Variants in ELAPOR1 observed in about 807,000 individuals in gnomAD.
The protein encoded by ELAPOR1 is endosome/lysosome-associated apoptosis and autophagy regulator 1.
In ELAPOR1, 77 loss-of-function variants were observed where a neutral mutation model predicts 119.7. The ratio of observed to expected loss-of-function variants is 0.64; its 90% CI spans 0.54 to 0.78. The LOEUF (loss-of-function observed/expected upper bound fraction) is 0.78, where lower values mean the gene tolerates loss of function less well. Among genes scored for constraint, ELAPOR1 ranks in the 30% least tolerant of loss-of-function variants. The pLI is 0.00. For synonymous variants in ELAPOR1, 481 were observed against 487.2 expected, an observed-to-expected ratio of 0.99 and a Z score of 0.17; for missense variants, 1,115 against 1,270.4, an observed-to-expected ratio of 0.88 and a Z score of 1.86.
chr1:109,120,657 A>G (rs1045267215), intron 1 of ELAPOR1, among the ~76,000 whole-genome samples: 3 of 152,110 alleles, frequency 2.0e-5, no homozygotes, highest in African/African-American at 7.2e-5. Flanking sequence ...AGCCCCAGAC[A>G]TACCAAGTTA....
At chr1:109,122,178 C>T (rs1308443622) in intron 1 of ELAPOR1, among the ~76,000 whole-genome samples, 4 of 151,232 alleles carry the variant, frequency 2.6e-5, no homozygotes, top group South Asian at 4.2e-4. Flanking sequence ...CAAGCGATTC[C>T]CATGCCTCAT....
chr1:109,153,013 T>C (rs910176252), intron 1 of ELAPOR1, among the ~76,000 whole-genome samples: 8 of 148,246 alleles, frequency 5.4e-5, no homozygotes, highest in Admixed American at 2.7e-4. Context: ...GACAGTCTCA[T>C]GTGGGGAGGA....
At chr1:109,185,910 T>C (rs577718256) in intron 8 of ELAPOR1, among the ~76,000 whole-genome samples, 2 of 152,306 alleles carry the variant, frequency 1.3e-5, no homozygotes, top group East Asian at 3.9e-4. Context: ...GAGGAGCGAC[T>C]CTGTGCCAGG....
intron 1 of ELAPOR1, among the ~76,000 whole-genome samples, chr1:109,131,721 G>A (rs1338831741): frequency 1.3e-5 from 2 of 152,168 alleles, no homozygotes; most frequent in Admixed American, 6.6e-5. Context: ...AACTCTAAGA[G>A]GGAAACTGAA....
chr1:109,158,100 C>A (rs550396459), intron 1 of ELAPOR1, among the ~76,000 whole-genome samples: 8 of 152,222 alleles, frequency 5.3e-5, no homozygotes, highest in African/African-American at 9.6e-5. Flanking sequence ...GATGGCCAGG[C>A]TGGTCTCAAA....
intron 7 of ELAPOR1, among the ~76,000 whole-genome samples, chr1:109,175,510 AT>A (rs1323047723): frequency 2.0e-5 from 3 of 150,128 alleles, no homozygotes; most frequent in Non-Finnish European, 3.0e-5. Flanking sequence ...CAGTGGTGAA[AT>A]TTTAAATGAA....
chr1:109,145,888 T>A (rs528099901), intron 1 of ELAPOR1, among the ~76,000 whole-genome samples: 169 of 152,046 alleles, frequency 1.1e-3, no homozygotes, highest in African/African-American at 3.7e-3. Flanking sequence ...AGAAATAGAA[T>A]AGAAATAGAA....
rs149466051 is a variant in ELAPOR1, at chr1:109,136,513, C to A, written c.153+22177C>A. On this transcript the variant is annotated intron_variant, in intron 1 of 21. Transcript: ENST00000369939. ...GACAACAAATTTCTATTGTTCAAAGCCACCCAGTCTGTGGCACTTTGTTAC... is the reference window on the plus strand; with the variant it reads ...GACAACAAATTTCTATTGTTCAAAGACACCCAGTCTGTGGCACTTTGTTAC... 1.2e-3 allele frequency among the ~76,000 whole-genome samples: 180 copies of A among 152,250 alleles called. 2 individuals carry two copies. Among genetic ancestry groups the A allele is most frequent in the African/African-American group, 4.2e-3 (173 of 41,546 alleles).
chr1:109,172,298 C>A (rs897864978), intron 4 of ELAPOR1, among the ~76,000 whole-genome samples, 190 bp from the exon 5 acceptor site: 5 of 152,160 alleles, frequency 3.3e-5, no homozygotes, highest in Non-Finnish European at 7.3e-5. Context: ...TTGGTGTCAA[C>A]GCTCATTTTG....
intron 3 of ELAPOR1, among the ~76,000 whole-genome samples, chr1:109,170,848 A>G (rs1651878267): frequency 2.0e-5 from 3 of 152,066 alleles, no homozygotes; most frequent in Non-Finnish European, 4.4e-5. Context: ...GTGTAGGGAG[A>G]GCCCGTGGAC....
At chr1:109,135,868 T>A (rs1409842055) in intron 1 of ELAPOR1, among the ~76,000 whole-genome samples, 1 of 152,216 alleles carries the variant, frequency 6.6e-6, no homozygotes, top group Non-Finnish European at 1.5e-5. Flanking sequence ...CAGTCTTTGA[T>A]GTCAAGGATC....
Position 109,173,738 on chromosome 1 carries a change from G to A in ELAPOR1, c.853G>A (p.Asp285Asn). 6.2e-7 allele frequency: 1 copy of A among 1,614,178 alleles called. No homozygotes were observed. The part of the protein sequence containing the change: ...CFPCKPGTYA[D>N]KQGSSFCKLC... ...CCCCTGCAAACCTGGCACGTATGCA[G>A]ACAAGCAGGGCTCCTCTTTCTGCAA... Residue 285 changes from aspartate (D) to asparagine (N), a missense_variant, in exon 7 of 22, where the codon GAC (aspartate) becomes AAC (asparagine). By Grantham distance (23) the Asp-to-Asn change is conservative. Transcript: ENST00000369939.
At chr1:109,147,663 C>G (rs1650262674) in intron 1 of ELAPOR1, among the ~76,000 whole-genome samples, 1 of 151,674 alleles carries the variant, frequency 6.6e-6, no homozygotes, top group Non-Finnish European at 1.5e-5. Flanking sequence ...GAATGTACCA[C>G]TCTGGTGGGG....
intron 1 of ELAPOR1, among the ~76,000 whole-genome samples, chr1:109,144,058 T>TAC (rs1558029181): frequency 2.0e-5 from 1 of 48,956 alleles, no homozygotes; most frequent in African/African-American, 5.7e-5. Context: ...TATATATTTA[T>TAC]ATATTTTTTT....
Position 109,176,865 on chromosome 1 carries a change from T to G in ELAPOR1, c.952+3028T>G, listed in dbSNP as rs532099743. 1.3e-3 allele frequency among the ~76,000 whole-genome samples: 182 copies of G among 143,926 alleles called. 1 individual carries two copies. Among genetic ancestry groups the G allele is most frequent in the African/African-American group, 4.6e-3 (173 of 37,840 alleles). 94.4% of individuals were successfully genotyped at this position (143,926 alleles called of 152,430 possible). ...AACAAAGCACATCTTGCACCGCCCT[T>G]AATCCATTCAACCCTGAGTGGATAC... On this transcript the variant is annotated intron_variant, in intron 7 of 21. Coordinates refer to ENST00000369939, the MANE Select transcript of ELAPOR1 (RefSeq NM_020775.5).
chr1:109,123,508 T>C (rs1648576015), intron 1 of ELAPOR1, among the ~76,000 whole-genome samples: 1 of 152,206 alleles, frequency 6.6e-6, no homozygotes, highest in South Asian at 2.1e-4. Flanking sequence ...AGCACCATAG[T>C]CAAATTGCAT....
chr1:109,139,349 AAAAT>A (rs1649684885), intron 1 of ELAPOR1, among the ~76,000 whole-genome samples: 1 of 152,128 alleles, frequency 6.6e-6, no homozygotes, highest in African/African-American at 2.4e-5. Flanking sequence ...TCAAAAAATA[AAAAT>A]AAATAAAAAT....
intron 1 of ELAPOR1, among the ~76,000 whole-genome samples, chr1:109,136,253 C>A (rs589381): frequency 0.84 from 128,117 of 152,134 alleles, 54,167 homozygotes; most frequent in East Asian, 0.93. Flanking sequence ...GTTAGGCCCT[C>A]ATCCAGTATG....
chr1:109,191,453 T>C lies in ELAPOR1; in HGVS notation c.1527T>C (p.Cys509=), dbSNP rs1211892236. Residue 509 remains cysteine, a synonymous_variant, in exon 12 of 22, where the codon TGT becomes TGC. Transcript: ENST00000369939. Reference sequence around the variant, plus strand: ...TTGAGACCCTCTGTTCTGTGAACTGTGAGCTCTACTTCATGGTGGTACGTT... The same window carrying C: ...TTGAGACCCTCTGTTCTGTGAACTGCGAGCTCTACTTCATGGTGGTACGTT... ...FVFETLCSVN[C]ELYFMVGVNS... 6.2e-7 allele frequency: 1 copy of C among 1,612,848 alleles called. No homozygotes were observed. The highest frequency in any genetic ancestry group is 8.5e-7 in the Non-Finnish European group (1 of 1,178,932).
Sources: allele counts gnomAD v4.1 joint callset (sites outside exome capture counted in the v4.1 genomes callset), GRCh38; gene constraint gnomAD v4.1.1; transcripts MANE v1.5; gene names NCBI Gene and HGNC (gene_info 2026-07-23, HGNC 2026-07-21).